CPS1: variants seen among roughly 807,000 people sequenced by gnomAD.
CPS1 encodes the protein carbamoyl-phosphate synthase 1.
A neutral mutation model predicts 174.6 loss-of-function variants in CPS1; 109 were observed. That is an observed-to-expected ratio of 0.62 (90% CI 0.53 to 0.73). The LOEUF (loss-of-function observed/expected upper bound fraction) is 0.73. Ranked by LOEUF, CPS1 falls within the 30% of genes least tolerant of loss-of-function variation. CPS1 has a pLI of 0.00. For synonymous variants in CPS1, 637 were observed against 632.0 expected (o/e 1.01, Z -0.12); for missense variants, 1,689 against 1,821.9 (o/e 0.93, Z 1.33).
chr2:210,568,824 C>T (rs983095906), intron 1 of CPS1, among the ~76,000 whole-genome samples: 1 of 151,786 alleles, frequency 6.6e-6, no homozygotes, highest in Non-Finnish European at 1.5e-5. Flanking sequence ...AATAATAAAA[C>T]AAGTGAATTA....
In CPS1 at chr2:210,678,911, A is replaced by T. The variant is rs963369822; in HGVS notation, c.*926A>T. On this transcript the variant is annotated 3_prime_UTR_variant, in exon 38 of 38. Transcript: ENST00000233072. ...CTTGGAAGTAAGGTTCATTCCCTTAAGACGATGGATTCTGTTGAACTATGG... is the reference window on the plus strand; with the variant it reads ...CTTGGAAGTAAGGTTCATTCCCTTATGACGATGGATTCTGTTGAACTATGG... 6.6e-6 allele frequency: 1 copy of T among 152,214 alleles called. No homozygotes were observed. The highest frequency in any genetic ancestry group is 2.4e-5 in the African/African-American group (1 of 41,456). The allele number at this position is 152,214 out of a possible 1,614,324, so 9.4% of individuals were successfully genotyped here.
intron 1 of CPS1, among the ~76,000 whole-genome samples, chr2:210,478,943 C>G (rs529529114): frequency 1.8e-5 from 1 of 54,896 alleles, no homozygotes. Context: ...CCTCCCTTCC[C>G]TCCCTCCCTC....
At position 210,677,077 on chromosome 2, in the gene CPS1, A is replaced by G. The variant is rs1485566957; in HGVS notation, c.4345A>G (p.Asn1449Asp). 1.2e-6 allele frequency: 2 copies of G among 1,613,806 alleles called. No homozygotes were observed. Among genetic ancestry groups the G allele is most frequent in the Non-Finnish European group, 1.7e-6 (2 of 1,179,702 alleles). The change falls in exon 37 of 38, where the codon AAT becomes GAT. Residue 1449 changes from asparagine to aspartate, a missense_variant. Coordinates refer to ENST00000233072, the MANE Select transcript of CPS1 (RefSeq NM_001875.5). ...PNNNTKFVHD[N>D]YVIRRTAVDS... The stretch of plus-strand genomic sequence containing the variant: ...CAACAACACTAAATTTGTCCATGAT[A>G]ATTATGTGATTCGGAGGACAGCTGT...
intron 36 of CPS1, 120 bp downstream of exon 36, chr2:210,675,960 A>T: frequency 4.3e-6 from 3 of 704,950 alleles, no homozygotes; most frequent in Non-Finnish European, 7.9e-6. Flanking sequence ...AAATGAATAC[A>T]TTTGTGGATG....
chr2:210,554,320 C>T (rs1396673588), upstream of CPS1, among the ~76,000 whole-genome samples: 3 of 150,520 alleles, frequency 2.0e-5, no homozygotes, highest in African/African-American at 7.3e-5. Context: ...CATCTGGGAC[C>T]CTTTACTGAT....
upstream of CPS1, among the ~76,000 whole-genome samples, chr2:210,554,252 C>T (rs897721753): frequency 4.8e-5 from 7 of 147,364 alleles, no homozygotes; most frequent in African/African-American, 1.5e-4. Context: ...TATATATACA[C>T]ACACATATAT....
At chr2:210,544,897 A>AC (rs1016566334) in intron 1 of CPS1, among the ~76,000 whole-genome samples, 3 of 152,028 alleles carry the variant, frequency 2.0e-5, no homozygotes, top group Non-Finnish European at 4.4e-5. Flanking sequence ...AGTGCCTAGT[A>AC]CATTTTTTTT....
chr2:210,557,722 C>G (rs1419090833), intron 1 of CPS1, among the ~76,000 whole-genome samples: 1 of 151,970 alleles, frequency 6.6e-6, no homozygotes, highest in Non-Finnish European at 1.5e-5. Context: ...TCTTTAGCAG[C>G]AAAAGCTGTA....
intron 1 of CPS1, among the ~76,000 whole-genome samples, chr2:210,515,008 G>A (rs750406037): frequency 6.6e-6 from 1 of 151,462 alleles, no homozygotes; most frequent in Non-Finnish European, 1.5e-5. Context: ...TTATTGATAT[G>A]TGTATGTTGC....
intron 1 of CPS1, among the ~76,000 whole-genome samples, chr2:210,508,819 G>A (rs929153527): frequency 1.3e-5 from 2 of 152,118 alleles, no homozygotes; most frequent in East Asian, 1.9e-4. Flanking sequence ...ACCCTCCCAA[G>A]ACTAAACCAG....
chr2:210,509,163 A>G (rs1273879135), intron 1 of CPS1, among the ~76,000 whole-genome samples: 2 of 152,228 alleles, frequency 1.3e-5, no homozygotes, highest in African/African-American at 4.8e-5. Flanking sequence ...CCAGCAGCAC[A>G]TCAAAAAGCT....
At chr2:210,579,650 T>C in intron 4 of CPS1, 64 bp from the exon 5 acceptor site, 1 of 1,365,990 alleles carries the variant, frequency 7.3e-7, no homozygotes, top group Non-Finnish European at 1.0e-6. Context: ...GTTTGTAACT[T>C]GAAAACAATA....
intron 13 of CPS1, among the ~76,000 whole-genome samples, chr2:210,596,452 G>T (rs1400867137): frequency 6.6e-6 from 1 of 151,734 alleles, no homozygotes; most frequent in African/African-American, 2.4e-5. Flanking sequence ...TTGGCCAAAG[G>T]TTTTCTTATT....
chr2:210,629,026 CAA>C (rs2105884508), intron 21 of CPS1, among the ~76,000 whole-genome samples: 1 of 152,152 alleles, frequency 6.6e-6, no homozygotes, highest in South Asian at 2.1e-4. Flanking sequence ...TGTAAAACAT[CAA>C]AGAGTGCCCA....
chr2:210,633,544 C>G (rs938906362), intron 21 of CPS1, among the ~76,000 whole-genome samples: 5 of 152,160 alleles, frequency 3.3e-5, no homozygotes, highest in African/African-American at 1.2e-4. Flanking sequence ...AATGAAAATA[C>G]TACATTCCTG....
chr2:210,517,428 A>T (rs980461265), intron 1 of CPS1, among the ~76,000 whole-genome samples: 7 of 152,014 alleles, frequency 4.6e-5, no homozygotes, highest in Non-Finnish European at 8.8e-5. Flanking sequence ...GATCAGCCCA[A>T]TTCATAAATT....
intron 21 of CPS1, among the ~76,000 whole-genome samples, chr2:210,629,178 A>G (rs1345269164): frequency 6.6e-6 from 1 of 152,210 alleles, no homozygotes; most frequent in Non-Finnish European, 1.5e-5. Flanking sequence ...ATTTTGGGGA[A>G]GGCATACATT....
chr2:210,536,632 A>G (rs1165810357), intron 1 of CPS1, among the ~76,000 whole-genome samples: 1 of 152,110 alleles, frequency 6.6e-6, no homozygotes, highest in East Asian at 1.9e-4. Context: ...GGCCGTATTT[A>G]GGTACTTCTT....
At chr2:210,527,267 C>T (rs893012454) in intron 1 of CPS1, among the ~76,000 whole-genome samples, 3 of 151,836 alleles carry the variant, frequency 2.0e-5, no homozygotes, top group Admixed American at 1.3e-4. Context: ...TTGCAATTTA[C>T]TTTTCTTACA....
Sources: gnomAD v4.1 joint callset for allele counts (sites outside exome capture counted in the v4.1 genomes callset) on GRCh38, gnomAD v4.1.1 for gene constraint, MANE v1.5 for transcripts, NCBI Gene and HGNC (gene_info 2026-07-23, HGNC 2026-07-21) for gene names.